The following ERC2 variants were observed in gnomAD, a reference collection of about 807,000 sequenced individuals.
ERC2 encodes the protein ERC protein 2.
ERC2 carries 42 observed loss-of-function variants against 114.8 expected under a neutral mutation model. That is an observed-to-expected ratio of 0.37 (90% CI 0.29 to 0.47). ERC2 has a LOEUF of 0.47. ERC2 is among the 20% of genes least tolerant of loss of function. The probability of loss-of-function intolerance (pLI) is 0.99; values close to 1 mark genes in which losing one functional copy is unlikely to be tolerated. For synonymous variants in ERC2, 454 were observed against 425.5 expected, an observed-to-expected ratio of 1.07 and a Z score of -0.82; for missense variants, 939 against 1,150.7, an observed-to-expected ratio of 0.82 and a Z score of 2.66.
At chr3:56,298,570 G>A (rs187009734) in intron 2 of ERC2, among the ~76,000 whole-genome samples, 1 of 152,262 alleles carries the variant, frequency 6.6e-6, no homozygotes, top group African/African-American at 2.4e-5. Flanking sequence ...GGATAAGATG[G>A]ATAAATCTGA....
At chr3:56,035,640 C>T (rs2074745227) in intron 7 of ERC2, among the ~76,000 whole-genome samples, 1 of 152,196 alleles carries the variant, frequency 6.6e-6, no homozygotes, top group African/African-American at 2.4e-5. Flanking sequence ...GTGCCTTTGG[C>T]TTTGTGAGGA....
rs1241497566 is a variant in ERC2, at chr3:56,081,125, G to A, written c.1474-141C>T. On this transcript the variant is annotated intron_variant, in intron 6 of 17. Transcript: ENST00000288221. ...GAACCACTGCTCATGGCACCTCACT[G>A]CCCTGCATTTTAACAGCCTACATCC... 6 of 806,170 alleles carry A rather than the reference G, an allele frequency of 7.4e-6. No individual in the cohort carries two copies. The East Asian group carries it at 1.6e-4, about 22-fold the overall frequency. 49.9% of individuals were successfully genotyped at this position (806,170 alleles called of 1,614,324 possible).
chr3:56,084,411 T>C (rs1206325826), intron 6 of ERC2, among the ~76,000 whole-genome samples: 1 of 152,214 alleles, frequency 6.6e-6, no homozygotes, highest in African/African-American at 2.4e-5. Flanking sequence ...TATGTGTATG[T>C]TTATCACAGC....
intron 12 of ERC2, among the ~76,000 whole-genome samples, chr3:55,975,219 C>T (rs1210773598): frequency 6.6e-6 from 1 of 152,026 alleles, no homozygotes; most frequent in Non-Finnish European, 1.5e-5. Flanking sequence ...TTAAACCTTG[C>T]AGAATGCATA....
At chr3:55,935,276 G>T (rs192569674) in intron 13 of ERC2, among the ~76,000 whole-genome samples, 15 of 152,312 alleles carry the variant, frequency 9.8e-5, no homozygotes, top group African/African-American at 2.9e-4. Context: ...AGTAATAGTC[G>T]CCATGCTGGG....
At chr3:55,829,668 C>T (rs143407917) in intron 14 of ERC2, among the ~76,000 whole-genome samples, 39 of 152,254 alleles carry the variant, frequency 2.6e-4, no homozygotes, top group African/African-American at 7.9e-4. Context: ...GTGTGCACCA[C>T]CACATCCAGT....
intron 17 of ERC2, among the ~76,000 whole-genome samples, chr3:55,619,646 G>A (rs770044601): frequency 2.0e-5 from 3 of 152,138 alleles, no homozygotes; most frequent in Non-Finnish European, 4.4e-5. Context: ...TATACCTTGG[G>A]ACCCATCTGA....
rs145865959 is a variant in ERC2 at position 56,061,255 on chromosome 3, C to A, written c.1641+19562G>T. The stretch of plus-strand genomic sequence containing the variant: ...TTAGTGCCTCCTGTGCTCTATAAGA[C>A]AATTTCAATCGCTAAAATTGACATT... On this transcript the variant is annotated intron_variant, in intron 7 of 17. Transcript: ENST00000288221. Among the ~76,000 whole-genome samples the A allele has an allele frequency of 6.3e-3, 962 of 152,326 alleles. 7 individuals are homozygous for A. Among genetic ancestry groups the A allele is most frequent in the South Asian group, 0.028 (135 of 4,824 alleles).
chr3:55,614,634 C>G (rs1207632190), intron 17 of ERC2, among the ~76,000 whole-genome samples: 1 of 152,162 alleles, frequency 6.6e-6, no homozygotes, highest in African/African-American at 2.4e-5. Flanking sequence ...TACTACTATG[C>G]CAATGATACT....
At chr3:56,073,287 G>A (rs1398340981) in intron 7 of ERC2, among the ~76,000 whole-genome samples, 1 of 152,180 alleles carries the variant, frequency 6.6e-6, no homozygotes, top group African/African-American at 2.4e-5. Context: ...AAGAAGGAAA[G>A]GACTCCTGTA....
intron 14 of ERC2, among the ~76,000 whole-genome samples, chr3:55,836,701 C>A (rs1326774199): frequency 6.6e-6 from 1 of 152,022 alleles, no homozygotes; most frequent in Non-Finnish European, 1.5e-5. Context: ...TGGGCAAGGA[C>A]TTCATGTCTA....
At chr3:55,714,322 GA>G (rs922392091) in intron 15 of ERC2, among the ~76,000 whole-genome samples, 1 of 152,006 alleles carries the variant, frequency 6.6e-6, no homozygotes, top group African/African-American at 2.4e-5. Context: ...GTCTCTTCCT[GA>G]AAAAAATGTT....
At chr3:55,595,793 G>A (rs547823497) in intron 17 of ERC2, among the ~76,000 whole-genome samples, 2 of 152,242 alleles carry the variant, frequency 1.3e-5, no homozygotes, top group African/African-American at 2.4e-5. Flanking sequence ...CTTGGAAGCC[G>A]CCATGTTATC....
chr3:55,871,336 G>C (rs2062575117), intron 14 of ERC2, among the ~76,000 whole-genome samples: 1 of 152,150 alleles, frequency 6.6e-6, no homozygotes, highest in African/African-American at 2.4e-5. Context: ...GGTGGTTTTG[G>C]GGGTAAGCCA....
At chr3:56,095,633 A>T (rs1263197784) in intron 6 of ERC2, among the ~76,000 whole-genome samples, 1 of 152,210 alleles carries the variant, frequency 6.6e-6, no homozygotes, top group African/African-American at 2.4e-5. Context: ...AAATGAACAC[A>T]TTTGTCAATT....
intron 16 of ERC2, among the ~76,000 whole-genome samples, chr3:55,686,534 T>C (rs1001690898): frequency 4.6e-5 from 7 of 152,198 alleles, no homozygotes; most frequent in African/African-American, 1.7e-4. Context: ...TCCAAACATA[T>C]GCAGCTGTTT....
intron 12 of ERC2, 99 bp downstream of exon 12, chr3:55,985,878 G>C: frequency 8.8e-7 from 1 of 1,139,548 alleles, no homozygotes; most frequent in South Asian, 1.3e-5. Flanking sequence ...GCAGTGGCCC[G>C]AGGAAAACCA....
intron 8 of ERC2, among the ~76,000 whole-genome samples, chr3:56,014,611 C>T (rs1308870880): frequency 1.3e-5 from 2 of 151,802 alleles, no homozygotes; most frequent in African/African-American, 4.8e-5. Context: ...AAAGGAAGTA[C>T]TTAAATAAAG....
chr3:56,310,344 G>A (rs1054460324), intron 2 of ERC2, among the ~76,000 whole-genome samples: 5 of 152,240 alleles, frequency 3.3e-5, no homozygotes, highest in South Asian at 2.1e-4. Context: ...ATTATAGGAC[G>A]GCTCTTTCAT....
Sources: allele counts gnomAD v4.1 joint callset (sites outside exome capture counted in the v4.1 genomes callset), GRCh38; gene constraint gnomAD v4.1.1; transcripts MANE v1.5; gene names NCBI Gene and HGNC (gene_info 2026-07-23, HGNC 2026-07-21).